Variants in FOXRED2 observed in about 807,000 individuals in gnomAD.
The protein encoded by FOXRED2 is FAD dependent oxidoreductase domain containing 2.
A neutral mutation model predicts 52.5 loss-of-function variants in FOXRED2; 32 were observed. That is an observed-to-expected ratio of 0.61 (90% confidence interval 0.46 to 0.82). The LOEUF (loss-of-function observed/expected upper bound fraction) is 0.82, where lower values mean the gene tolerates loss of function less well. Ranked by LOEUF, FOXRED2 falls within the 40% of genes least tolerant of loss-of-function variation. FOXRED2 has a pLI of 0.00. For synonymous variants in FOXRED2, 405 were observed against 398.1 expected, an observed-to-expected ratio of 1.02 and a Z score of -0.21; for missense variants, 848 against 937.5, an observed-to-expected ratio of 0.90 and a Z score of 1.25.
In FOXRED2 at chr22:36,488,871, G is replaced by GT. The variant is rs1933675254; in HGVS notation, c.*1136dup. The GT allele has an allele frequency of 6.6e-6, 1 of 152,250 alleles. No individual in the cohort carries two copies. Among genetic ancestry groups the GT allele is most frequent in the Admixed American group, 6.5e-5 (1 of 15,276 alleles). The allele number at this position is 152,250 out of a possible 1,614,324, so 9.4% of individuals were successfully genotyped here. A position where few individuals can be genotyped will look rare whatever the true frequency, so the allele number is the denominator to read the frequency against. The stretch of plus-strand genomic sequence containing the variant: ...GCTGGGATTGTCCTTGGAATTCTGA[G>GT]TGGATACATGAAGAGTTAGTAAGAA... On this transcript the variant is annotated 3_prime_UTR_variant, in exon 9 of 9. Transcript: ENST00000397224.
Position 36,488,212 on chromosome 22 carries a change from C to T in FOXRED2, c.*1796G>A, listed in dbSNP as rs557876309. ...TCTTGGAATTCTTTTTCTCTTTTCA[C>T]TTTTGTTGTAGCATACTTTGTTCTT... On this transcript the variant is annotated 3_prime_UTR_variant, in exon 9 of 9. Coordinates refer to ENST00000397224, the MANE Select transcript of FOXRED2 (RefSeq NM_001102371.2). 1 of 151,912 alleles carries T rather than the reference C, an allele frequency of 6.6e-6. No homozygotes were observed. The highest frequency in any genetic ancestry group is 6.6e-5 in the Admixed American group (1 of 15,242). 9.4% of individuals were successfully genotyped at this position (151,912 alleles called of 1,614,324 possible).
In FOXRED2 at chr22:36,505,930, G is replaced by A. The variant is rs527327395; in HGVS notation, c.493C>T (p.Leu165=). The A allele has an allele frequency of 8.1e-6, 13 of 1,614,130 alleles. No homozygotes were observed. The African/African-American group carries it at 1.7e-4, about 22-fold the overall frequency. The part of the protein sequence containing the change: ...RQAWNGHYFI[L]TDQKGQVHQC... The stretch of plus-strand genomic sequence containing the variant: ...TGCACCTGGCCCTTCTGGTCAGTTA[G>A]GATGAAGTAGTGGCCATTCCAGGCC... Residue 165 remains leucine (L), a synonymous_variant, in exon 2 of 9, where the codon CTA becomes TTA. Coordinates refer to ENST00000397224, the MANE Select transcript of FOXRED2 (RefSeq NM_001102371.2).
chr22:36,497,305 A>G (rs1263828091), intron 6 of FOXRED2, among the ~76,000 whole-genome samples: 1 of 152,042 alleles, frequency 6.6e-6, no homozygotes, highest in Non-Finnish European at 1.5e-5. Context: ...GCACCACTGC[A>G]CTCCAGCCTG....
In FOXRED2 at chr22:36,498,180, G is replaced by C. The variant is rs748228766; in HGVS notation, c.1217-24C>G. The C allele has an allele frequency of 2.5e-6, 4 of 1,600,274 alleles. No homozygotes were observed. In the South Asian group the frequency reaches 4.4e-5, roughly 18 times the overall value. ...CACTGGAACAGCCAGAGGGAGGAAC[G>C]GCACGCTGCACTTACCATTTTATCT... On this transcript the variant is annotated intron_variant, in intron 5 of 8. Transcript: ENST00000397224.
At position 36,488,347 on chromosome 22, in the gene FOXRED2, C is replaced by G. The variant is rs1399260709; in HGVS notation, c.*1661G>C. The G allele has an allele frequency of 6.6e-6, 1 of 152,218 alleles. No individual in the cohort carries two copies. The highest frequency in any genetic ancestry group is 2.4e-5 in the African/African-American group (1 of 41,400). 9.4% of individuals were successfully genotyped at this position (152,218 alleles called of 1,614,324 possible). A position where few individuals can be genotyped will look rare whatever the true frequency, so the allele number is the denominator to read the frequency against. ...GGTCTCTGCTCACTGCAACCTCCAC[C>G]TCCCAGGTTCAAGCAATTCTCCTGC... is the stretch of plus-strand genomic sequence containing the variant. On this transcript the variant is annotated 3_prime_UTR_variant, in exon 9 of 9. Transcript: ENST00000397224.
chr22:36,506,597 G>C (rs904656895), intron 1 of FOXRED2, 174 bp from the exon 2 acceptor site: 2 of 571,370 alleles, frequency 3.5e-6, no homozygotes. Context: ...GCTGGGACTT[G>C]GGGCTCCCCG....
intron 4 of FOXRED2, among the ~76,000 whole-genome samples, chr22:36,503,784 C>G (rs1292673329): frequency 6.6e-6 from 1 of 152,246 alleles, no homozygotes; most frequent in East Asian, 1.9e-4. Flanking sequence ...CTCTCAGCCA[C>G]TACGCTATAT....
At chr22:36,505,795 C>A in intron 2 of FOXRED2, 101 bp downstream of exon 2, 1 of 1,276,928 alleles carries the variant, frequency 7.8e-7, no homozygotes, top group Non-Finnish European at 1.1e-6. Context: ...GCGAAATACC[C>A]TTTTTCGTCC....
rs1933655386 is a variant in FOXRED2, at chr22:36,488,217, G to A, written c.*1791C>T. On this transcript the variant is annotated 3_prime_UTR_variant, in exon 9 of 9. Coordinates refer to ENST00000397224, the MANE Select transcript of FOXRED2 (RefSeq NM_001102371.2). Reference sequence around the variant, plus strand: ...GAATTCTTTTTCTCTTTTCACTTTTGTTGTAGCATACTTTGTTCTTTTTTA... The same window carrying A: ...GAATTCTTTTTCTCTTTTCACTTTTATTGTAGCATACTTTGTTCTTTTTTA... 2 of 151,808 alleles carry A rather than the reference G, an allele frequency of 1.3e-5. No homozygotes were observed. Among genetic ancestry groups the A allele is most frequent in the Non-Finnish European group, 2.9e-5 (2 of 68,006 alleles). 9.4% of individuals were successfully genotyped at this position (151,808 alleles called of 1,614,324 possible).
At position 36,498,038 on chromosome 22, in the gene FOXRED2, C is replaced by A; in HGVS notation, c.1335G>T (p.Gly445=). The change falls in exon 6 of 9, where the codon GGG becomes GGT. Residue 445 remains glycine, a synonymous_variant. Coordinates refer to ENST00000397224, the MANE Select transcript of FOXRED2 (RefSeq NM_001102371.2). The part of the protein sequence containing the change: ...SIVRRVNEAS[G]LYQMFGVLAD... ...CCAGCACACCGAACATCTGGTAGAG[C>A]CCAGAAGCCTCATTCACGCGCCGCA... The A allele has an allele frequency of 6.2e-7, 1 of 1,614,138 alleles. No homozygotes were observed. Among genetic ancestry groups the A allele is most frequent in the Non-Finnish European group, 8.5e-7 (1 of 1,180,046 alleles).
chr22:36,503,161 G>C (rs1360719067), intron 4 of FOXRED2, among the ~76,000 whole-genome samples: 1 of 151,298 alleles, frequency 6.6e-6, no homozygotes, highest in Non-Finnish European at 1.5e-5. Context: ...GCTAATTTTT[G>C]TATTTTTTGT....
chr22:36,498,251 G>T (rs991605094), intron 5 of FOXRED2, 95 bp from the exon 6 acceptor site: 47 of 1,425,396 alleles, frequency 3.3e-5, no homozygotes, highest in Non-Finnish European at 4.3e-5. Context: ...CCCTGAGAAC[G>T]CCATACACAC....
intron 8 of FOXRED2, among the ~76,000 whole-genome samples, chr22:36,492,623 C>G (rs572992614): frequency 2.0e-5 from 3 of 152,310 alleles, no homozygotes; most frequent in Non-Finnish European, 2.9e-5. Context: ...AGCGATTCTC[C>G]TGCCTCAGCC....
chr22:36,493,830 T>A, intron 7 of FOXRED2, 27 bp from the exon 8 acceptor site: 1 of 1,609,242 alleles, frequency 6.2e-7, no homozygotes, highest in South Asian at 1.1e-5. Context: ...GGGGGCCATG[T>A]CAGAGCTGTG....
At chr22:36,491,489 G>A (rs895450712) in intron 8 of FOXRED2, among the ~76,000 whole-genome samples, 2 of 152,014 alleles carry the variant, frequency 1.3e-5, no homozygotes, top group African/African-American at 4.8e-5. Context: ...TACAACCTCT[G>A]CCTTCTGGGT....
intron 8 of FOXRED2, among the ~76,000 whole-genome samples, chr22:36,492,996 T>G (rs537479874): frequency 9.2e-5 from 14 of 152,222 alleles, no homozygotes; most frequent in Non-Finnish European, 1.8e-4. Context: ...TCTCCTCCTT[T>G]GGAGGGTTTT....
intron 5 of FOXRED2, among the ~76,000 whole-genome samples, chr22:36,500,647 G>A (rs1157327216): frequency 1.4e-5 from 2 of 147,560 alleles, no homozygotes; most frequent in Admixed American, 6.9e-5. Context: ...GCAATGGTGC[G>A]ATCTCAGCTC....
At chr22:36,503,316 C>T (rs1202117224) in intron 4 of FOXRED2, among the ~76,000 whole-genome samples, 4 of 138,100 alleles carry the variant, frequency 2.9e-5, no homozygotes, top group East Asian at 4.4e-4. Context: ...ATTCTTCTTT[C>T]TTTTTTTTTT....
Position 36,493,737 on chromosome 22 carries a change from AC to A in FOXRED2, c.1690del (p.Val564TrpfsTer5). ...LPRPTAIHHI[V>X]EDFLTDWTAP... Reference sequence around the variant, plus strand: ...AGTCCAGTCTGTTAAGAAGTCTTCCACGATGTGATGGATGGCCGTGGGCCGA... The same window carrying A: ...AGTCCAGTCTGTTAAGAAGTCTTCCAGATGTGATGGATGGCCGTGGGCCGA... On this transcript the variant is annotated frameshift_variant, in exon 8 of 9. Coordinates refer to ENST00000397224, the MANE Select transcript of FOXRED2 (RefSeq NM_001102371.2). LOFTEE classifies it high-confidence loss of function. 1 of 1,614,220 alleles carries A rather than the reference AC, an allele frequency of 6.2e-7. No homozygotes were observed. The highest frequency in any genetic ancestry group is 8.5e-7 in the Non-Finnish European group (1 of 1,180,010).
Sources: gnomAD v4.1 joint callset for allele counts (sites outside exome capture counted in the v4.1 genomes callset) on GRCh38, gnomAD v4.1.1 for gene constraint, MANE v1.5 for transcripts, NCBI Gene and HGNC (gene_info 2026-07-23, HGNC 2026-07-21) for gene names.